The following CD302 variants were observed in gnomAD, a reference collection of about 807,000 sequenced individuals.
CD302 encodes CD302 antigen.
In CD302, 23 loss-of-function variants were observed where a neutral mutation model predicts 26.5. The observed-to-expected ratio is 0.87, with a 90% CI of 0.62 to 1.23. The LOEUF (loss-of-function observed/expected upper bound fraction) is 1.23. Ranked by LOEUF, CD302 falls within the 50% of genes most tolerant of loss-of-function variation. The pLI, the probability that CD302 is intolerant of heterozygous loss-of-function variation, is 0.00. For synonymous variants in CD302, 90 were observed against 99.4 expected, an observed-to-expected ratio of 0.91 and a Z score of 0.56; for missense variants, 290 against 275.5, an observed-to-expected ratio of 1.05 and a Z score of -0.37.
At chr2:159,794,306 A>AAAATAAAATAAAATAAAATAAAATAAT (rs1560052350) in intron 1 of CD302, among the ~76,000 whole-genome samples, 2 of 8,954 alleles carry the variant, frequency 2.2e-4, no homozygotes, top group Middle Eastern at 0.029. Context: ...ATAAAATAAT[A>AAAATAAAATAAAATAAAATAAAATAAT]AAAAAAAAAA....
chr2:159,780,202 A>G, intron 3 of CD302, 24 bp from the exon 4 acceptor site: 5 of 1,609,658 alleles, frequency 3.1e-6, no homozygotes, highest in Non-Finnish European at 4.2e-6. Context: ...AATATTTTCA[A>G]CATTATGACA....
chr2:159,771,746 C>T lies in CD302; in HGVS notation c.*105G>A. 1 of 1,251,520 alleles carries T rather than the reference C, an allele frequency of 8.0e-7. No individual in the cohort carries two copies. The highest frequency in any genetic ancestry group is 1.1e-6 in the Non-Finnish European group (1 of 897,930). The allele number at this position is 1,251,520 out of a possible 1,614,324, so 77.5% of individuals were successfully genotyped here. A position where few individuals can be genotyped will look rare whatever the true frequency, so the allele number is the denominator to read the frequency against. On this transcript the variant is annotated 3_prime_UTR_variant, in exon 6 of 6. Coordinates refer to ENST00000259053, the MANE Select transcript of CD302 (RefSeq NM_014880.5). ...AAAAATGTTACTGGAATAAGGAATA[C>T]CATTAAAGCTCTAATATCCAATGTC...
Position 159,772,142 on chromosome 2 carries a change from A to C in CD302, c.497-89T>G. 2.1e-6 allele frequency: 3 copies of C among 1,416,900 alleles called. No individual in the cohort carries two copies. In the South Asian group the frequency reaches 4.0e-5, roughly 19 times the overall value. 87.8% of individuals were successfully genotyped at this position (1,416,900 alleles called of 1,614,324 possible). A position where few individuals can be genotyped will look rare whatever the true frequency, so the allele number is the denominator to read the frequency against. On this transcript the variant is annotated intron_variant, in intron 5 of 5. Transcript: ENST00000259053. The stretch of plus-strand genomic sequence containing the variant: ...GATGAGCACAACTGTAGTTTTGTGT[A>C]AACATTTCTCTGTGTTGAGAATTTC...
intron 5 of CD302, among the ~76,000 whole-genome samples, chr2:159,776,336 C>G (rs913529280): frequency 6.6e-6 from 1 of 152,108 alleles, no homozygotes; most frequent in Non-Finnish European, 1.5e-5. Context: ...GCAAATGATG[C>G]TATGAACATA....
At chr2:159,775,649 G>A (rs1354327381) in intron 5 of CD302, among the ~76,000 whole-genome samples, 3 of 152,170 alleles carry the variant, frequency 2.0e-5, no homozygotes, top group Non-Finnish European at 4.4e-5. Flanking sequence ...AGAAATACAT[G>A]TAACAAATAC....
intron 1 of CD302, among the ~76,000 whole-genome samples, chr2:159,786,332 C>CTTTTTTT (rs56163054): frequency 1.8e-5 from 2 of 112,680 alleles, no homozygotes; most frequent in African/African-American, 3.1e-5. Flanking sequence ...TTGTCTTTTT[C>CTTTTTTT]TTTTTTTTTT....
chr2:159,793,693 C>T (rs1708868932), intron 1 of CD302, among the ~76,000 whole-genome samples: 1 of 152,110 alleles, frequency 6.6e-6, no homozygotes, highest in Non-Finnish European at 1.5e-5. Flanking sequence ...AAGTCCCTGA[C>T]TAATCCAGAG....
chr2:159,774,195 A>G (rs1330735572), intron 5 of CD302, among the ~76,000 whole-genome samples: 2 of 152,096 alleles, frequency 1.3e-5, no homozygotes, highest in South Asian at 2.1e-4. Context: ...AAAGCTTTCC[A>G]TGGTTGATCT....
At chr2:159,797,921 C>T (rs1392017643) in intron 1 of CD302, among the ~76,000 whole-genome samples, 4 of 152,226 alleles carry the variant, frequency 2.6e-5, no homozygotes, top group Non-Finnish European at 5.9e-5. Context: ...CTCCCTTATT[C>T]TCGGCCACCT....
Position 159,769,201 on chromosome 2 carries a change from A to G in CD302, c.*2650T>C, listed in dbSNP as rs927389822. 6.6e-6 allele frequency: 1 copy of G among 152,226 alleles called. No homozygotes were observed. Among genetic ancestry groups the G allele is most frequent in the Non-Finnish European group, 1.5e-5 (1 of 68,042 alleles). The allele number at this position is 152,226 out of a possible 1,614,324, so 9.4% of individuals were successfully genotyped here. A position where few individuals can be genotyped will look rare whatever the true frequency, so the allele number is the denominator to read the frequency against. On this transcript the variant is annotated 3_prime_UTR_variant, in exon 6 of 6. Coordinates refer to ENST00000259053, the MANE Select transcript of CD302 (RefSeq NM_014880.5). ...TGTTATTCTGAATATCTGCCAAAGA[A>G]TTATATTGTTATTACTAGCTAGAAC... is the stretch of plus-strand genomic sequence containing the variant.
intron 5 of CD302, among the ~76,000 whole-genome samples, chr2:159,776,555 T>C (rs1450834105): frequency 1.3e-5 from 2 of 152,174 alleles, no homozygotes; most frequent in Admixed American, 1.3e-4. Flanking sequence ...CACTAATGCT[T>C]GTTATTTATT....
rs1288301664 is a variant in CD302 at position 159,785,341 on chromosome 2, A to AT, written c.68-1873dup. Among the ~76,000 whole-genome samples the AT allele has an allele frequency of 2.0e-5, 3 of 152,042 alleles. No individual in the cohort carries two copies. The East Asian group carries it at 5.8e-4, about 29-fold the overall frequency. The stretch of plus-strand genomic sequence containing the variant: ...TTTTATGAGCACTTGAATTACACAT[A>AT]TGACTACCTTGGGTTTAACTCTGGC... On this transcript the variant is annotated intron_variant, in intron 1 of 5. Coordinates refer to ENST00000259053, the MANE Select transcript of CD302 (RefSeq NM_014880.5).
chr2:159,780,785 AATC>A, intron 3 of CD302, 94 bp downstream of exon 3: 2 of 1,118,630 alleles, frequency 1.8e-6, no homozygotes, highest in Non-Finnish European at 2.7e-6. Context: ...AGGCCACAGG[AATC>A]ATCAACTTGA....
intron 2 of CD302, among the ~76,000 whole-genome samples, chr2:159,782,132 G>T (rs10172103): frequency 0.037 from 5,653 of 152,076 alleles, 334 homozygotes; most frequent in African/African-American, 0.12. Context: ...GCCAGGTGTG[G>T]TGATGCACCC....
intron 5 of CD302, among the ~76,000 whole-genome samples, chr2:159,775,150 C>T (rs769431092): frequency 6.6e-6 from 1 of 152,200 alleles, no homozygotes; most frequent in Non-Finnish European, 1.5e-5. Context: ...TTGTTTTACC[C>T]TTCCCACTAG....
At chr2:159,781,121 T>G in intron 2 of CD302, 123 bp from the exon 3 acceptor site, 1 of 764,994 alleles carries the variant, frequency 1.3e-6, no homozygotes, top group South Asian at 1.9e-5. Flanking sequence ...ACAATAAACT[T>G]TGATCTTACA....
intron 1 of CD302, among the ~76,000 whole-genome samples, chr2:159,787,233 T>C (rs116578585): frequency 3.0e-4 from 46 of 152,322 alleles, no homozygotes; most frequent in Non-Finnish European, 5.6e-4. Context: ...TAAGTAGTTA[T>C]AATTCTTGCA....
intron 1 of CD302, among the ~76,000 whole-genome samples, chr2:159,791,195 G>A (rs1051027536): frequency 2.0e-5 from 3 of 152,056 alleles, no homozygotes; most frequent in African/African-American, 7.2e-5. Context: ...TGGCAACAAG[G>A]ACTAAAGACA....
chr2:159,778,911 G>A (rs1162927462), intron 4 of CD302, among the ~76,000 whole-genome samples: 1 of 152,040 alleles, frequency 6.6e-6, no homozygotes, highest in Non-Finnish European at 1.5e-5. Flanking sequence ...AAATACTGTT[G>A]TGGGCCAGGA....
Sources: gnomAD v4.1 joint callset for allele counts (sites outside exome capture counted in the v4.1 genomes callset) on GRCh38, gnomAD v4.1.1 for gene constraint, MANE v1.5 for transcripts, NCBI Gene and HGNC (gene_info 2026-07-23, HGNC 2026-07-21) for gene names.